The following MSL2 variants were observed in gnomAD, a reference collection of about 807,000 sequenced individuals.
MSL2 encodes the protein MSL complex subunit 2.
In MSL2, 2 loss-of-function variants were observed where a neutral mutation model predicts 35.8. The observed-to-expected ratio is 0.06, with a 90% CI of 0.02 to 0.18. The LOEUF is 0.18. Among genes scored for constraint, MSL2 ranks in the 10% least tolerant of loss-of-function variants. The probability of loss-of-function intolerance (pLI) is 1.00; values close to 1 mark genes in which losing one functional copy is unlikely to be tolerated. For missense variants in MSL2, 523 were observed against 706.7 expected, an observed-to-expected ratio of 0.74 and a Z score of 2.95; for synonymous variants, 296 against 255.7, an observed-to-expected ratio of 1.16 and a Z score of -1.50.
At position 136,149,163 on chromosome 3, in the gene MSL2, ATAAAG is replaced by A. The variant is rs1258833451; in HGVS notation, c.*1979_*1983del. 6.6e-6 allele frequency: 1 copy of A among 152,270 alleles called. No homozygotes were observed. Among genetic ancestry groups the A allele is most frequent in the African/African-American group, 2.4e-5 (1 of 41,410 alleles). The allele number at this position is 152,270 out of a possible 1,614,324, so 9.4% of individuals were successfully genotyped here. A position where few individuals can be genotyped will look rare whatever the true frequency, so the allele number is the denominator to read the frequency against. On this transcript the variant is annotated 3_prime_UTR_variant, in exon 2 of 2. Transcript: ENST00000309993. ...ACAAGATTATCAAACTTGGGAAGCAATAAAGTACTCTATGAATTTTAAGATCATAA... is the reference window on the plus strand; with the variant it reads ...ACAAGATTATCAAACTTGGGAAGCAATACTCTATGAATTTTAAGATCATAA...
chr3:136,177,680 T>TAAAAAAAAAAAAAAAA (rs397738424), intron 1 of MSL2, among the ~76,000 whole-genome samples: 3 of 78,502 alleles, frequency 3.8e-5, no homozygotes, highest in African/African-American at 1.7e-4. Flanking sequence ...CTCCGTCTCA[T>TAAAAAAAAAAAAAAAA]AAAAAAAAAA....
intron 1 of MSL2, among the ~76,000 whole-genome samples, chr3:136,182,656 A>C (rs967995077): frequency 2.0e-5 from 3 of 151,750 alleles, no homozygotes; most frequent in African/African-American, 7.3e-5. Context: ...AGCTGCACAG[A>C]GAAAGAGGTC....
intron 1 of MSL2, among the ~76,000 whole-genome samples, chr3:136,183,711 C>T (rs1940432042): frequency 6.6e-6 from 1 of 152,140 alleles, no homozygotes; most frequent in Non-Finnish European, 1.5e-5. Flanking sequence ...CATAAACCTA[C>T]CAACAGAGCT....
At chr3:136,187,836 T>A (rs992089698) in intron 1 of MSL2, among the ~76,000 whole-genome samples, 1 of 152,200 alleles carries the variant, frequency 6.6e-6, no homozygotes, top group African/African-American at 2.4e-5. Context: ...TACAAGGGCC[T>A]GTCCACAGAG....
At chr3:136,177,739 G>A (rs1169256901) in intron 1 of MSL2, among the ~76,000 whole-genome samples, 4 of 149,730 alleles carry the variant, frequency 2.7e-5, no homozygotes, top group Non-Finnish European at 4.4e-5. Flanking sequence ...CCACTTGACT[G>A]AGTAATTACT....
At chr3:136,164,551 T>C (rs756754516) in intron 1 of MSL2, among the ~76,000 whole-genome samples, 4 of 152,210 alleles carry the variant, frequency 2.6e-5, no homozygotes, top group Non-Finnish European at 5.9e-5. Flanking sequence ...GCTCCAATGA[T>C]GTGAGAAATA....
At chr3:136,183,127 A>G (rs1168829723) in intron 1 of MSL2, among the ~76,000 whole-genome samples, 5 of 152,122 alleles carry the variant, frequency 3.3e-5, no homozygotes, top group African/African-American at 1.2e-4. Flanking sequence ...ACAAGGTAAA[A>G]CTCACAATAG....
At chr3:136,192,962 A>G (rs966723635) in intron 1 of MSL2, among the ~76,000 whole-genome samples, 1 of 152,184 alleles carries the variant, frequency 6.6e-6, no homozygotes, top group Non-Finnish European at 1.5e-5. Context: ...ATGGGAGGAA[A>G]AAAACCTGAA....
rs1441279820 is a variant in MSL2, at chr3:136,150,667, G to A, written c.*480C>T. The A allele has an allele frequency of 6.2e-6, 1 of 160,564 alleles. No homozygotes were observed. The highest frequency in any genetic ancestry group is 2.4e-5 in the African/African-American group (1 of 41,508). 9.9% of individuals were successfully genotyped at this position (160,564 alleles called of 1,614,324 possible). A position where few individuals can be genotyped will look rare whatever the true frequency, so the allele number is the denominator to read the frequency against. On this transcript the variant is annotated 3_prime_UTR_variant, in exon 2 of 2. Coordinates refer to ENST00000309993, the MANE Select transcript of MSL2 (RefSeq NM_018133.4). Reference sequence around the variant, plus strand: ...AGAAATGGTATGATGTCAGCACAAAGGTTGAGCTGGACACATCAGCTTTCC... The same window carrying A: ...AGAAATGGTATGATGTCAGCACAAAAGTTGAGCTGGACACATCAGCTTTCC...
intron 1 of MSL2, among the ~76,000 whole-genome samples, chr3:136,174,726 T>G (rs1940122008): frequency 6.6e-6 from 1 of 152,178 alleles, no homozygotes; most frequent in Admixed American, 6.5e-5. Flanking sequence ...CAAGTGGACA[T>G]ATATGCTATA....
chr3:136,164,230 A>G (rs940940355), intron 1 of MSL2, among the ~76,000 whole-genome samples: 1 of 152,226 alleles, frequency 6.6e-6, no homozygotes, highest in Admixed American at 6.5e-5. Flanking sequence ...CCTCACAGGA[A>G]TAATCCAGCT....
At chr3:136,170,195 A>C (rs1350686552) in intron 1 of MSL2, among the ~76,000 whole-genome samples, 1 of 150,994 alleles carries the variant, frequency 6.6e-6, no homozygotes, top group Non-Finnish European at 1.5e-5. Flanking sequence ...ATATATATAT[A>C]TACAAAAATT....
rs201700653 is a variant in MSL2, at chr3:136,188,325, TCAGGAGACTGAGG to T, written c.142+6634_142+6646del. 7.5e-3 allele frequency among the ~76,000 whole-genome samples: 1,132 copies of T among 151,484 alleles called. 18 individuals carry two copies. The highest frequency in any genetic ancestry group is 0.026 in the African/African-American group (1,069 of 41,210). On this transcript the variant is annotated intron_variant, in intron 1 of 1. Coordinates refer to ENST00000309993, the MANE Select transcript of MSL2 (RefSeq NM_018133.4). ...GGGGCATGCCTATAGTCCCAGTTAC[TCAGGAGACTGAGG>T]CAGGAGAATCGCTTGAACCCATGAA...
At chr3:136,160,653 G>A (rs543623546) in intron 1 of MSL2, among the ~76,000 whole-genome samples, 4 of 150,564 alleles carry the variant, frequency 2.7e-5, no homozygotes, top group African/African-American at 4.9e-5. Context: ...GAGGTGCAGC[G>A]AGCCGAGACC....
chr3:136,155,597 A>G (rs79259884), intron 1 of MSL2: 7,863 of 340,326 alleles, frequency 0.023, 582 homozygotes, highest in African/African-American at 0.15. Context: ...TTCAACCCCA[A>G]GAGGAGCCTG....
At chr3:136,172,881 G>T (rs1244478204) in intron 1 of MSL2, among the ~76,000 whole-genome samples, 2 of 152,022 alleles carry the variant, frequency 1.3e-5, no homozygotes, top group African/African-American at 4.8e-5. Flanking sequence ...CTGACCTACG[G>T]GGCCGGGCAC....
At chr3:136,189,496 G>A (rs1940622271) in intron 1 of MSL2, among the ~76,000 whole-genome samples, 2 of 148,258 alleles carry the variant, frequency 1.3e-5, no homozygotes, top group Non-Finnish European at 1.5e-5. Context: ...AGGCGGAGTC[G>A]GGCGGATCAC....
intron 1 of MSL2, among the ~76,000 whole-genome samples, chr3:136,172,797 T>C (rs1273678646): frequency 1.3e-5 from 2 of 152,214 alleles, no homozygotes; most frequent in African/African-American, 2.4e-5. Flanking sequence ...GTACAAATTG[T>C]TGTTCAGAAT....
intron 1 of MSL2, among the ~76,000 whole-genome samples, chr3:136,153,488 G>T (rs1939431007): frequency 6.6e-6 from 1 of 152,144 alleles, no homozygotes; most frequent in Admixed American, 6.6e-5. Flanking sequence ...AAAGAAAAAA[G>T]ATCAAAATGT....
Sources: gnomAD v4.1 joint callset for allele counts (sites outside exome capture counted in the v4.1 genomes callset) on GRCh38, gnomAD v4.1.1 for gene constraint, MANE v1.5 for transcripts, NCBI Gene and HGNC (gene_info 2026-07-23, HGNC 2026-07-21) for gene names.